ANK1: variants seen among roughly 807,000 people sequenced by gnomAD.
ANK1 encodes the protein ankyrin-1.
A neutral mutation model predicts 210.4 loss-of-function variants in ANK1; 51 were observed. That is an observed-to-expected ratio of 0.24 (90% CI 0.19 to 0.31). ANK1 has a LOEUF of 0.31. Among genes scored for constraint, ANK1 ranks in the 10% least tolerant of loss-of-function variants. The probability of loss-of-function intolerance (pLI) is 1.00; values close to 1 mark genes in which losing one functional copy is unlikely to be tolerated. For synonymous variants in ANK1, 967 were observed against 1,025.9 expected, an observed-to-expected ratio of 0.94 and a Z score of 1.10; for missense variants, 2,051 against 2,504.4, an observed-to-expected ratio of 0.82 and a Z score of 3.86.
At chr8:41,744,598 G>A (rs551001639) in intron 2 of ANK1, among the ~76,000 whole-genome samples, 56 of 148,094 alleles carry the variant, frequency 3.8e-4, no homozygotes, top group Non-Finnish European at 5.8e-4. Context: ...GTGCAGTGGT[G>A]CAATCTCGGC....
At chr8:41,659,396 C>T (rs6981587) in intron 42 of ANK1, among the ~76,000 whole-genome samples, 49,505 of 152,198 alleles carry the variant, frequency 0.33, 9,842 homozygotes, top group African/African-American at 0.56. Context: ...CTCAAACTTT[C>T]TGCCCTTGTG....
upstream of ANK1, among the ~76,000 whole-genome samples, chr8:41,798,846 G>A (rs1003651468): frequency 6.6e-6 from 1 of 152,090 alleles, no homozygotes; most frequent in Non-Finnish European, 1.5e-5. Flanking sequence ...CCTCCTGCTG[G>A]GCCCACGCTG....
chr8:41,889,363 C>G (rs1587641046), intron 1 of ANK1, among the ~76,000 whole-genome samples: 1 of 152,176 alleles, frequency 6.6e-6, no homozygotes, highest in African/African-American at 2.4e-5. Context: ...ACACTGGAGA[C>G]CCTCATAAGT....
chr8:41,671,523 C>T (rs771217020), intron 38 of ANK1, among the ~76,000 whole-genome samples: 1 of 152,010 alleles, frequency 6.6e-6, no homozygotes, highest in African/African-American at 2.4e-5. Flanking sequence ...CCTAAGTGAG[C>T]CCTTCCCGTG....
At chr8:41,728,154 A>T (rs1232025928) in intron 3 of ANK1, 148 bp from the exon 4 acceptor site, 1 of 659,640 alleles carries the variant, frequency 1.5e-6, no homozygotes, top group Non-Finnish European at 2.7e-6. Context: ...TGTGTGCTTG[A>T]CCCATTGCAC....
chr8:41,730,556 C>T (rs1831937953), intron 3 of ANK1, among the ~76,000 whole-genome samples: 1 of 151,916 alleles, frequency 6.6e-6, no homozygotes, highest in South Asian at 2.1e-4. Flanking sequence ...TTGATTTCTC[C>T]TCAAGTTCTA....
chr8:41,724,663 A>C lies in ANK1; in HGVS notation c.613-109T>G, dbSNP rs966011522. ...GTGGGGCAACAGGACTTTACAGACA[A>C]AGGAGATTTTGATGGGTGGGAACAT... On this transcript the variant is annotated intron_variant, in intron 6 of 42. Transcript: ENST00000289734. The C allele has an allele frequency of 4.9e-6, 5 of 1,013,678 alleles. No individual in the cohort carries two copies. The African/African-American group carries it at 6.4e-5, about 13-fold the overall frequency. 62.8% of individuals were successfully genotyped at this position (1,013,678 alleles called of 1,614,324 possible). A position where few individuals can be genotyped will look rare whatever the true frequency, so the allele number is the denominator to read the frequency against.
At chr8:41,722,757 T>A (rs1006952502) in intron 9 of ANK1, among the ~76,000 whole-genome samples, 12 of 152,214 alleles carry the variant, frequency 7.9e-5, no homozygotes, top group African/African-American at 2.9e-4. Context: ...GTGAGTCAAA[T>A]CTGCCCTGCC....
intron 26 of ANK1, among the ~76,000 whole-genome samples, chr8:41,696,051 G>T (rs901817128): frequency 6.6e-6 from 1 of 152,272 alleles, no homozygotes; most frequent in East Asian, 1.9e-4. Flanking sequence ...TTGTTTTTTT[G>T]GTTTTGCTTT....
chr8:41,699,608 T>A (rs951930403), intron 22 of ANK1, 60 bp from the exon 23 acceptor site: 193 of 1,526,142 alleles, frequency 1.3e-4, no homozygotes, highest in Admixed American at 4.0e-4. Flanking sequence ...CCTCTTTTTT[T>A]AAAAAAGCTC....
At chr8:41,759,291 A>G (rs117247801) in intron 1 of ANK1, among the ~76,000 whole-genome samples, 4,773 of 152,310 alleles carry the variant, frequency 0.031, 116 homozygotes, top group Non-Finnish European at 0.049. Context: ...GTGGATCACG[A>G]GGTCAAGAGA....
chr8:41,802,558 C>A (rs971952114), upstream of ANK1, among the ~76,000 whole-genome samples: 1 of 152,160 alleles, frequency 6.6e-6, no homozygotes, highest in African/African-American at 2.4e-5. Context: ...ATTGCTACTG[C>A]AACTAATAAT....
At chr8:41,835,178 G>T (rs914195846) in intron 1 of ANK1, among the ~76,000 whole-genome samples, 5 of 152,230 alleles carry the variant, frequency 3.3e-5, no homozygotes, top group Non-Finnish European at 7.3e-5. Context: ...TGTAAGCGGG[G>T]TAGGTGGCTC....
intron 2 of ANK1, among the ~76,000 whole-genome samples, chr8:41,752,278 G>A (rs897111637): frequency 6.6e-6 from 1 of 152,148 alleles, no homozygotes; most frequent in Non-Finnish European, 1.5e-5. Context: ...TGTCTGTCTT[G>A]TTCAGTGCCT....
At chr8:41,877,477 C>T (rs115783585) in intron 1 of ANK1, among the ~76,000 whole-genome samples, 8 of 152,378 alleles carry the variant, frequency 5.3e-5, no homozygotes, top group African/African-American at 1.9e-4. Flanking sequence ...AGCTGCAAGA[C>T]TGTGGTGCCG....
At chr8:41,714,701 G>T (rs1284576508) in intron 15 of ANK1, among the ~76,000 whole-genome samples, 2 of 151,878 alleles carry the variant, frequency 1.3e-5, no homozygotes. Flanking sequence ...CTCTATAATT[G>T]TTTTTTTAAG....
chr8:41,763,483 G>C (rs146372689), intron 1 of ANK1, among the ~76,000 whole-genome samples: 394 of 152,284 alleles, frequency 2.6e-3, no homozygotes, highest in African/African-American at 9.1e-3. Context: ...AAGTTCTGCA[G>C]ATAAATACTT....
chr8:41,824,754 T>A (rs1457971862), intron 1 of ANK1, among the ~76,000 whole-genome samples: 2 of 152,224 alleles, frequency 1.3e-5, no homozygotes, highest in East Asian at 3.9e-4. Context: ...TAGTGTGGGA[T>A]TCTCCTGAAT....
chr8:41,859,700 T>C (rs1037977376), intron 1 of ANK1, among the ~76,000 whole-genome samples: 1 of 152,214 alleles, frequency 6.6e-6, no homozygotes, highest in African/African-American at 2.4e-5. Flanking sequence ...CACTTATTGA[T>C]TGATTGATTT....
Sources: gnomAD v4.1 joint callset for allele counts (sites outside exome capture counted in the v4.1 genomes callset) on GRCh38, gnomAD v4.1.1 for gene constraint, MANE v1.5 for transcripts, NCBI Gene and HGNC (gene_info 2026-07-23, HGNC 2026-07-21) for gene names.